GRIN3B: variants seen among roughly 807,000 people sequenced by gnomAD.
The protein encoded by GRIN3B is glutamate ionotropic receptor NMDA type subunit 3B.
In GRIN3B, 77 loss-of-function variants were observed where a neutral mutation model predicts 66.0. That is an observed-to-expected ratio of 1.17 (90% CI 0.97 to 1.41). The LOEUF is 1.41. Among genes scored for constraint, GRIN3B ranks in the 40% most tolerant of loss-of-function variants. The probability of loss-of-function intolerance (pLI) is 0.00; values close to 1 mark genes in which losing one functional copy is unlikely to be tolerated. For synonymous variants in GRIN3B, 823 were observed against 749.7 expected (o/e 1.10, Z -1.60); for missense variants, 1,787 against 1,564.5 (o/e 1.14, Z -2.40).
In GRIN3B at chr19:1,005,732, G is replaced by A. The variant is rs1459933629; in HGVS notation, c.2052+179G>A. 6.6e-6 allele frequency among the ~76,000 whole-genome samples: 1 copy of A among 152,188 alleles called. No individual in the cohort carries two copies. Among genetic ancestry groups the A allele is most frequent in the African/African-American group, 2.4e-5 (1 of 41,436 alleles). On this transcript the variant is annotated intron_variant, in intron 3 of 8. Coordinates refer to ENST00000234389, the MANE Select transcript of GRIN3B (RefSeq NM_138690.3). This position sits in a 1 kb window ranked among gnomAD's most constrained non-coding sequence, Gnocchi z 5.2. The stretch of plus-strand genomic sequence containing the variant: ...TAAAGAAAAATAGCCGGGCGCGGTG[G>A]CTCACGCCTGTAATCCCAGCACTTT...
rs761687154 is a variant in GRIN3B at position 1,000,807 on chromosome 19, G to A, written c.370G>A (p.Glu124Lys). 1.4e-6 allele frequency: 2 copies of A among 1,446,672 alleles called. No individual in the cohort carries two copies. The highest frequency in any genetic ancestry group is 1.3e-5 in the South Asian group (1 of 74,882). The allele number at this position is 1,446,672 out of a possible 1,614,324, so 89.6% of individuals were successfully genotyped here. The change falls in exon 1 of 9, where the codon GAG becomes AAG. Residue 124 changes from glutamate (E) to lysine (K), a missense_variant. Glu to Lys is a moderately conservative substitution (Grantham distance 56). Transcript: ENST00000234389. ...LQLHFLAAAT[E>K]TPVLSLLRRE... ...GCTGCACTTCCTGGCGGCGGCCACCGAGACCCCCGTGCTCAGCCTGCTGCG... is the reference window on the plus strand; with the variant it reads ...GCTGCACTTCCTGGCGGCGGCCACCAAGACCCCCGTGCTCAGCCTGCTGCG...
intron 2 of GRIN3B, among the ~76,000 whole-genome samples, chr19:1,003,938 CAT>C (rs566738798): frequency 6.6e-6 from 1 of 152,314 alleles, no homozygotes; most frequent in South Asian, 2.1e-4. Context: ...AAATAGAAAA[CAT>C]TAGCTGGGCG....
In GRIN3B at chr19:1,009,273, C is replaced by T; in HGVS notation, c.2803C>T (p.Arg935Cys). 4.9e-6 allele frequency: 7 copies of T among 1,417,878 alleles called. No individual in the cohort carries two copies. Among genetic ancestry groups the T allele is most frequent in the Non-Finnish European group, 6.4e-6 (7 of 1,097,080 alleles). The allele number at this position is 1,417,878 out of a possible 1,614,324, so 87.8% of individuals were successfully genotyped here. Residue 935 changes from arginine (R) to cysteine (C), a missense_variant, in exon 9 of 9, where the codon CGC becomes TGC. Arg to Cys is a radical substitution (Grantham distance 180). Coordinates refer to ENST00000234389, the MANE Select transcript of GRIN3B (RefSeq NM_138690.3). ...GGCCGTGGACAAGGAGCGCCGCGTG[C>T]GCTTCCTGCTGGAGCCCGCCGTGGT... ...RRAVDKERRV[R>C]FLLEPAVVVA... is the part of the protein sequence containing the mutation.
At chr19:1,008,820 C>G (rs764491913) in intron 7 of GRIN3B, 37 bp from the exon 8 acceptor site, 1 of 1,591,454 alleles carries the variant, frequency 6.3e-7, no homozygotes, top group South Asian at 1.1e-5. Context: ...CCCACCCCCC[C>G]CGCCTCCTCG....
chr19:1,003,861 C>T (rs2240156), intron 2 of GRIN3B, 139 bp downstream of exon 2: 194,226 of 615,552 alleles, frequency 0.32, 32,603 homozygotes, highest in Middle Eastern at 0.34. Context: ...CCGAGGCGAG[C>T]GGATCACTTG....
At position 1,008,845 on chromosome 19, in the gene GRIN3B, C is replaced by A; in HGVS notation, c.2632-12C>A. 2.5e-6 allele frequency: 4 copies of A among 1,599,268 alleles called. No individual in the cohort carries two copies. Among genetic ancestry groups the A allele is most frequent in the Non-Finnish European group, 3.4e-6 (4 of 1,172,726 alleles). On this transcript the variant is annotated splice_polypyrimidine_tract_variant and intron_variant, in intron 7 of 8. Transcript: ENST00000234389. ...CCGCCTCCTCGCCAACCGGGTCTGTCTGGGGTCTTAGAAAATCCACCGCGC... is the reference window on the plus strand; with the variant it reads ...CCGCCTCCTCGCCAACCGGGTCTGTATGGGGTCTTAGAAAATCCACCGCGC...
intron 2 of GRIN3B, among the ~76,000 whole-genome samples, chr19:1,003,997 G>C (rs879677067): frequency 6.6e-6 from 1 of 152,252 alleles, no homozygotes; most frequent in South Asian, 2.1e-4. Flanking sequence ...GCTGAGATGA[G>C]AGAATCGCTT....
Position 1,004,894 on chromosome 19 carries a change from A to AAC in GRIN3B, c.1394_1395dup (p.Gly466ThrfsTer182), listed in dbSNP as rs2038726944. 4 of 1,599,858 alleles carry AAC rather than the reference A, an allele frequency of 2.5e-6. No homozygotes were observed. The highest frequency in any genetic ancestry group is 3.4e-6 in the Non-Finnish European group (4 of 1,171,538). On this transcript the variant is annotated frameshift_variant, in exon 3 of 9. Transcript: ENST00000234389. LOFTEE classifies it high-confidence loss of function. ...GGACGCACTGTTCGCCGCGCTGGCC[A>AAC]ACGGCTCAGCGCCCCGTGCCCTGCG...
chr19:1,008,467 C>T (rs1312674337), intron 6 of GRIN3B, 151 bp from the exon 7 acceptor site: 3 of 1,043,476 alleles, frequency 2.9e-6, no homozygotes, highest in East Asian at 2.6e-5. Flanking sequence ...CATGAAACCT[C>T]ACTCCCCCCA....
Position 1,008,155 on chromosome 19 carries a change from T to C in GRIN3B, c.2330T>C (p.Leu777Pro). Residue 777 changes from leucine to proline, a missense_variant, in exon 6 of 9, where the codon CTG (leucine) becomes CCG (proline). Leu to Pro is a moderately conservative substitution (Grantham distance 98). Transcript: ENST00000234389. The stretch of plus-strand genomic sequence containing the variant: ...GCGCCCCCAGGCTATGGGATCGGAC[T>C]GCCCCAGAACTCGCCGCTCACCTCC... Reference protein sequence around the residue: ...PFAIEGYGIGLPQNSPLTSNL... With the variant: ...PFAIEGYGIGPPQNSPLTSNL... 2 of 1,598,860 alleles carry C rather than the reference T, an allele frequency of 1.3e-6. No homozygotes were observed. Among genetic ancestry groups the C allele is most frequent in the South Asian group, 1.1e-5 (1 of 88,654 alleles).
Position 1,009,620 on chromosome 19 carries a change from T to C in GRIN3B, c.*18T>C. 5 of 1,409,652 alleles carry C rather than the reference T, an allele frequency of 3.5e-6. No individual in the cohort carries two copies. The highest frequency in any genetic ancestry group is 3.7e-6 in the Non-Finnish European group (4 of 1,087,026). The allele number at this position is 1,409,652 out of a possible 1,614,324, so 87.3% of individuals were successfully genotyped here. A position where few individuals can be genotyped will look rare whatever the true frequency, so the allele number is the denominator to read the frequency against. The stretch of plus-strand genomic sequence containing the variant: ...AGGAATGAGGCGGCAGCCGGGCCGT[T>C]TGGGCTCAAGACACACACACAGCGC... On this transcript the variant is annotated 3_prime_UTR_variant, in exon 9 of 9. Transcript: ENST00000234389.
In GRIN3B at chr19:1,007,901, C is replaced by T. The variant is rs1568392785; in HGVS notation, c.2244C>T (p.Leu748=). The change falls in exon 5 of 9, where the codon CTC becomes CTT. Residue 748 remains leucine (L), a synonymous_variant. Transcript: ENST00000234389. The surrounding 1 kb of genome is among the most constrained non-coding windows in gnomAD (Gnocchi z 4.4). The part of the protein sequence containing the change: ...KLNAFIMDKS[L]LDYEVSIDAD... Reference sequence around the variant, plus strand: ...ACGCCTTCATCATGGACAAGTCGCTCCTGGACTACGAGGTCTCCATCGACG... The same window carrying T: ...ACGCCTTCATCATGGACAAGTCGCTTCTGGACTACGAGGTCTCCATCGACG... 9 of 1,611,806 alleles carry T rather than the reference C, an allele frequency of 5.6e-6. No individual in the cohort carries two copies. Among genetic ancestry groups the T allele is most frequent in the East Asian group, 2.2e-5 (1 of 44,864 alleles).
chr19:1,007,805 G>A lies in GRIN3B; in HGVS notation c.2198+32G>A. The stretch of plus-strand genomic sequence containing the variant: ...CCGGGCGCGGGGTGAGGCGGGGGCG[G>A]GGCGTGGGGTGGGCGGGGCGATGGC... On this transcript the variant is annotated intron_variant, in intron 4 of 8. Transcript: ENST00000234389. This position sits in a 1 kb window ranked among gnomAD's most constrained non-coding sequence, Gnocchi z 4.4. 2 of 1,520,120 alleles carry A rather than the reference G, an allele frequency of 1.3e-6. No individual in the cohort carries two copies. The highest frequency in any genetic ancestry group is 1.8e-6 in the Non-Finnish European group (2 of 1,133,390). The allele number at this position is 1,520,120 out of a possible 1,614,324, so 94.2% of individuals were successfully genotyped here.
intron 1 of GRIN3B, chr19:1,002,254 T>A (rs1487611365): frequency 1.3e-5 from 2 of 150,986 alleles, no homozygotes; most frequent in Non-Finnish European, 2.9e-5. Flanking sequence ...GCACTGTGGC[T>A]CACGCCTGTA....
At chr19:1,006,747 G>C (rs1467148663) in intron 3 of GRIN3B, among the ~76,000 whole-genome samples, 2 of 152,184 alleles carry the variant, frequency 1.3e-5, no homozygotes, top group Non-Finnish European at 2.9e-5. Context: ...GTAAAGCGTA[G>C]ACGCCATGCT....
At chr19:1,006,590 C>G (rs540146961) in intron 3 of GRIN3B, among the ~76,000 whole-genome samples, 6 of 152,298 alleles carry the variant, frequency 3.9e-5, no homozygotes, top group African/African-American at 1.4e-4. Flanking sequence ...TAGACGTGAG[C>G]CATCGTGCCC....
rs1319333653 is a variant in GRIN3B, at chr19:1,009,429, G to A, written c.2959G>A (p.Glu987Lys). The A allele has an allele frequency of 2.1e-6, 3 of 1,454,786 alleles. No homozygotes were observed. Among genetic ancestry groups the A allele is most frequent in the South Asian group, 2.7e-5 (2 of 74,952 alleles). The allele number at this position is 1,454,786 out of a possible 1,614,324, so 90.1% of individuals were successfully genotyped here. Residue 987 changes from glutamate (E) to lysine (K), a missense_variant, in exon 9 of 9, where the codon GAG (glutamate) becomes AAG (lysine). By Grantham distance (56) the Glu-to-Lys change is moderately conservative (BLOSUM62 1). Transcript: ENST00000234389. ...APQPGELQELERRIEVARERL... is the reference protein window; with the variant it reads ...APQPGELQELKRRIEVARERL... ...CCAGCCCGGGGAGCTGCAGGAGCTG[G>A]AGCGCCGCATCGAAGTCGCGCGTGA...
At chr19:1,008,810 C>T (rs1213553742) in intron 7 of GRIN3B, 28 bp downstream of exon 7, 1 of 1,586,260 alleles carries the variant, frequency 6.3e-7, no homozygotes, top group Admixed American at 1.8e-5. Context: ...GGCGGGCGGC[C>T]CCACCCCCCC....
intron 6 of GRIN3B, 145 bp downstream of exon 6, chr19:1,008,436 C>G: frequency 9.7e-7 from 1 of 1,033,174 alleles, no homozygotes; most frequent in South Asian, 1.6e-5. Context: ...TACAAAACCC[C>G]GGCTGCAGTG....
Sources: allele counts gnomAD v4.1 joint callset (sites outside exome capture counted in the v4.1 genomes callset), GRCh38; gene constraint gnomAD v4.1.1; non-coding constraint Gnocchi (gnomAD v3.1); transcripts MANE v1.5; gene names NCBI Gene and HGNC (gene_info 2026-07-23, HGNC 2026-07-21).